The following MATN2 variants were observed in gnomAD, a reference collection of about 807,000 sequenced individuals.
MATN2 encodes the protein matrilin-2.
In MATN2, 69 loss-of-function variants were observed where a neutral mutation model predicts 103.2. The ratio of observed to expected loss-of-function variants is 0.67; its 90% CI spans 0.55 to 0.82. The LOEUF (loss-of-function observed/expected upper bound fraction) is 0.82, where lower values mean the gene tolerates loss of function less well. MATN2 is among the 40% of genes least tolerant of loss of function. MATN2 has a pLI of 0.00. For missense variants in MATN2, 1,023 were observed against 1,211.5 expected (o/e 0.84, Z 2.31); for synonymous variants, 429 against 450.2 (o/e 0.95, Z 0.60).
Position 97,934,070 on chromosome 8 carries a change from T to C in MATN2, c.712+2548T>C, listed in dbSNP as rs60481728. ...CTCTTGCTCATTTCACTCCTCTGCA[T>C]GTTGGGAATTACAAATTCCTCTTTT... On this transcript the variant is annotated intron_variant, in intron 3 of 18. Transcript: ENST00000254898. Among the ~76,000 whole-genome samples the C allele has an allele frequency of 9.3e-3, 1,421 of 152,260 alleles. 17 individuals carry two copies. The highest frequency in any genetic ancestry group is 0.03 in the African/African-American group (1,241 of 41,560).
rs1486515118 is a variant in MATN2 at position 98,025,788 on chromosome 8, A to G, written c.1943-1628A>G. ...GAGATAATCCATTTTGGATCTGTCC[A>G]TTTTTCTTTTGCAGTCCTAAATAAC... On this transcript the variant is annotated intron_variant, in intron 13 of 18. Transcript: ENST00000254898. 1.2e-5 allele frequency: 5 copies of G among 432,212 alleles called. 1 individual carries two copies. In the Admixed American group the frequency reaches 1.3e-4, roughly 12 times the overall value. The allele number at this position is 432,212 out of a possible 1,614,324, so 26.8% of individuals were successfully genotyped here.
intron 4 of MATN2, among the ~76,000 whole-genome samples, chr8:97,945,717 A>AAAAAAAATATAT (rs59472539): frequency 9.0e-5 from 11 of 121,832 alleles, no homozygotes; most frequent in Admixed American, 7.3e-4. Flanking sequence ...AAAAAAAAAA[A>AAAAAAAATATAT]ATATATATAT....
At chr8:97,879,551 G>C (rs531927423) in intron 1 of MATN2, among the ~76,000 whole-genome samples, 51 of 152,356 alleles carry the variant, frequency 3.3e-4, no homozygotes, top group African/African-American at 1.2e-3. Context: ...CGCTGCAGCA[G>C]TGGGAACTGT....
At chr8:97,930,410 A>G (rs1249733233) in intron 2 of MATN2, 2 of 152,728 alleles carry the variant, frequency 1.3e-5, no homozygotes, top group African/African-American at 4.8e-5. Context: ...GCAACTTTCT[A>G]GAAACTAATA....
chr8:97,895,515 G>A (rs1483010018), intron 2 of MATN2, among the ~76,000 whole-genome samples: 1 of 152,188 alleles, frequency 6.6e-6, no homozygotes, highest in Non-Finnish European at 1.5e-5. Context: ...CCTCCATTGA[G>A]GGACCACACA....
At chr8:97,949,888 A>G (rs1316694673) in intron 4 of MATN2, among the ~76,000 whole-genome samples, 1 of 152,228 alleles carries the variant, frequency 6.6e-6, no homozygotes, top group East Asian at 1.9e-4. Context: ...GCTGAATGAA[A>G]GAAACCAGAC....
intron 2 of MATN2, among the ~76,000 whole-genome samples, chr8:97,928,010 A>G (rs4512352): frequency 0.66 from 99,299 of 151,474 alleles, 33,188 homozygotes; most frequent in East Asian, 0.92. Context: ...CTCAGCAGGT[A>G]AAGATTATTG....
chr8:97,988,010 A>G (rs968538757), intron 6 of MATN2, among the ~76,000 whole-genome samples: 5 of 151,286 alleles, frequency 3.3e-5, no homozygotes, highest in Non-Finnish European at 5.9e-5. Context: ...ATCAATACAT[A>G]TCCTACAAAC....
At chr8:97,981,882 TG>T (rs1812036642) in intron 6 of MATN2, among the ~76,000 whole-genome samples, 1 of 152,228 alleles carries the variant, frequency 6.6e-6, no homozygotes, top group South Asian at 2.1e-4. Context: ...AATCAGACCC[TG>T]GAAGTAGATA....
intron 5 of MATN2, among the ~76,000 whole-genome samples, chr8:97,966,702 A>G (rs2130275091): frequency 6.6e-6 from 1 of 152,334 alleles, no homozygotes; most frequent in African/African-American, 2.4e-5. Flanking sequence ...AGTAGAATCA[A>G]TGCTGTAGTC....
At chr8:97,944,865 G>GCGTA (rs1216970359) in intron 4 of MATN2, among the ~76,000 whole-genome samples, 11 of 152,278 alleles carry the variant, frequency 7.2e-5, no homozygotes, top group Admixed American at 7.2e-4. Context: ...CATGTCCTGG[G>GCGTA]CGTAGCTGGA....
chr8:97,958,712 G>A (rs537636654), intron 4 of MATN2, among the ~76,000 whole-genome samples: 3 of 152,308 alleles, frequency 2.0e-5, no homozygotes, highest in African/African-American at 7.2e-5. Flanking sequence ...TCCCAGGCCT[G>A]AGAGGATCTG....
At chr8:97,930,501 T>C (rs1810142235) in intron 2 of MATN2, 1 of 158,424 alleles carries the variant, frequency 6.3e-6, no homozygotes, top group Non-Finnish European at 1.4e-5. Flanking sequence ...AAATATACCC[T>C]TATAACTTTC....
In MATN2 at chr8:97,888,092, G is replaced by T. The variant is rs1198414565; in HGVS notation, c.-9G>T. On this transcript the variant is annotated 5_prime_UTR_variant, in exon 2 of 19. Transcript: ENST00000254898. ...TGTCACAGCCTTGCCCCTCTTGCTC[G>T]CCTTGAAAATGGAAAAGATGCTCGC... The T allele has an allele frequency of 3.1e-6, 5 of 1,606,814 alleles. No individual in the cohort carries two copies. Among genetic ancestry groups the T allele is most frequent in the Non-Finnish European group, 4.2e-6 (5 of 1,176,970 alleles).
chr8:97,911,395 C>A (rs1809427233), intron 2 of MATN2, among the ~76,000 whole-genome samples: 1 of 152,048 alleles, frequency 6.6e-6, no homozygotes, highest in African/African-American at 2.4e-5. Context: ...ATAGAAAATT[C>A]CATAGCCAAA....
At chr8:98,032,061 C>T in intron 15 of MATN2, 185 bp from the exon 16 acceptor site, 1 of 544,710 alleles carries the variant, frequency 1.8e-6, no homozygotes, top group Non-Finnish European at 3.3e-6. Context: ...AGAGAATTGC[C>T]CTAGAGTGGT....
At chr8:97,877,385 G>A (rs929240276) in intron 1 of MATN2, among the ~76,000 whole-genome samples, 7 of 151,928 alleles carry the variant, frequency 4.6e-5, no homozygotes, top group African/African-American at 1.7e-4. Context: ...GCTGAGGCAG[G>A]AGAATTGCTT....
intron 3 of MATN2, among the ~76,000 whole-genome samples, chr8:97,939,720 C>T (rs930319162): frequency 3.9e-5 from 6 of 152,258 alleles, no homozygotes; most frequent in South Asian, 2.1e-4. Context: ...CACTAGTGAC[C>T]GTGAAAACGC....
At chr8:97,937,832 G>T (rs917797552) in intron 3 of MATN2, among the ~76,000 whole-genome samples, 5 of 152,020 alleles carry the variant, frequency 3.3e-5, no homozygotes, top group African/African-American at 4.8e-5. Context: ...GCTCACCTCA[G>T]CCTCCCAAAG....
Sources: allele counts gnomAD v4.1 joint callset (sites outside exome capture counted in the v4.1 genomes callset), GRCh38; gene constraint gnomAD v4.1.1; transcripts MANE v1.5; gene names NCBI Gene and HGNC (gene_info 2026-07-23, HGNC 2026-07-21).